The following PHF20 variants were observed in gnomAD, a reference collection of about 807,000 sequenced individuals.
PHF20 encodes the protein glioma-expressed antigen 2.
A neutral mutation model predicts 113.5 loss-of-function variants in PHF20; 23 were observed. The observed-to-expected ratio is 0.20, with a 90% CI of 0.15 to 0.29. The LOEUF (loss-of-function observed/expected upper bound fraction) is 0.29. Ranked by LOEUF, PHF20 falls within the 10% of genes least tolerant of loss-of-function variation. PHF20 has a pLI of 1.00. For synonymous variants in PHF20, 434 were observed against 457.3 expected (o/e 0.95, Z 0.65); for missense variants, 943 against 1,219.6 (o/e 0.77, Z 3.38).
At chr20:35,947,420 G>C in intron 17 of PHF20, 65 bp from the exon 18 acceptor site, 2 of 1,545,884 alleles carry the variant, frequency 1.3e-6, no homozygotes, top group Non-Finnish European at 1.8e-6. Context: ...TGAAATGCTT[G>C]CTGATGTTCT....
chr20:35,843,619 G>T (rs2042570957), intron 3 of PHF20, among the ~76,000 whole-genome samples: 1 of 150,978 alleles, frequency 6.6e-6, no homozygotes, highest in African/African-American at 2.4e-5. Flanking sequence ...GTCTTGCTCT[G>T]TTGCCCAGAC....
At chr20:35,826,368 C>T (rs762997941) in intron 2 of PHF20, among the ~76,000 whole-genome samples, 10 of 152,104 alleles carry the variant, frequency 6.6e-5, no homozygotes, top group Non-Finnish European at 1.0e-4. Flanking sequence ...AAGTGAGACC[C>T]ATCAGCATGT....
At chr20:35,848,562 G>C (rs1021495878) in intron 4 of PHF20, among the ~76,000 whole-genome samples, 1 of 152,050 alleles carries the variant, frequency 6.6e-6, no homozygotes, top group African/African-American at 2.4e-5. Context: ...CAACTTTTTA[G>C]AAAAGTATTT....
chr20:35,847,229 G>C (rs1209993723), intron 3 of PHF20, 121 bp from the exon 4 acceptor site: 2 of 622,682 alleles, frequency 3.2e-6, no homozygotes, highest in Non-Finnish European at 5.5e-6. Context: ...CATCTCAACA[G>C]CTACTTTCCC....
intron 6 of PHF20, among the ~76,000 whole-genome samples, chr20:35,863,815 G>C (rs902707362): frequency 6.6e-6 from 1 of 152,178 alleles, no homozygotes; most frequent in Non-Finnish European, 1.5e-5. Context: ...TTCTGAAGGA[G>C]ATGGGGACAA....
At chr20:35,923,342 C>G (rs141951177) in intron 13 of PHF20, among the ~76,000 whole-genome samples, 1 of 151,760 alleles carries the variant, frequency 6.6e-6, no homozygotes, top group South Asian at 2.1e-4. Context: ...GGCTCACACC[C>G]GTAATCCTAG....
chr20:35,932,048 G>T (rs1367630851), intron 15 of PHF20, among the ~76,000 whole-genome samples: 1 of 149,800 alleles, frequency 6.7e-6, no homozygotes, highest in Non-Finnish European at 1.5e-5. Context: ...TTTGTTTTTT[G>T]TTTTGGCATA....
intron 16 of PHF20, 48 bp downstream of exon 16, chr20:35,939,156 G>C: frequency 6.7e-7 from 1 of 1,487,040 alleles, no homozygotes; most frequent in Non-Finnish European, 9.1e-7. Context: ...GTGAATGCTT[G>C]CAAGTTATCC....
At chr20:35,852,473 G>C (rs1473667773) in intron 4 of PHF20, among the ~76,000 whole-genome samples, 1 of 152,078 alleles carries the variant, frequency 6.6e-6, no homozygotes, top group Non-Finnish European at 1.5e-5. Context: ...TGTTGTATTG[G>C]CCACAGAACC....
At chr20:35,779,060 G>A (rs1202774492) in intron 1 of PHF20, among the ~76,000 whole-genome samples, 1 of 151,526 alleles carries the variant, frequency 6.6e-6, no homozygotes, top group Non-Finnish European at 1.5e-5. Context: ...TTTTGAGGTG[G>A]AGTCTCACTT....
chr20:35,929,262 G>T (rs1045311464), intron 14 of PHF20, among the ~76,000 whole-genome samples: 1 of 152,258 alleles, frequency 6.6e-6, no homozygotes, highest in Admixed American at 6.5e-5. Context: ...TTTGTTGGTT[G>T]TCTAGGGAGG....
At chr20:35,842,468 G>C in intron 2 of PHF20, 105 bp from the exon 3 acceptor site, 1 of 1,010,480 alleles carries the variant, frequency 9.9e-7, no homozygotes, top group South Asian at 1.6e-5. Context: ...CGGTAGGCCT[G>C]GTAACCTTCT....
intron 13 of PHF20, among the ~76,000 whole-genome samples, chr20:35,923,917 A>G (rs1303109065): frequency 6.6e-6 from 1 of 151,764 alleles, no homozygotes; most frequent in Non-Finnish European, 1.5e-5. Context: ...ACACCTTGCT[A>G]ATTTCTTTAA....
intron 9 of PHF20, chr20:35,887,571 T>C (rs1205410561): frequency 6.6e-6 from 1 of 152,302 alleles, no homozygotes; most frequent in East Asian, 1.9e-4. Context: ...GAGTGTTTCC[T>C]AGTAAGACAG....
chr20:35,884,815 A>AT (rs2054697052), intron 9 of PHF20, among the ~76,000 whole-genome samples: 2 of 152,200 alleles, frequency 1.3e-5, no homozygotes, highest in South Asian at 2.1e-4. Context: ...TAGCTTTATT[A>AT]TTCTCTCCCA....
rs1239968619 is a variant in PHF20, at chr20:35,849,502, A to T, written c.340+2068A>T. ...AATCATGGTAGGCACCTGTCTCTATAAGGTTTTGTGTTTGTGTGTGGGATG... is the reference window on the plus strand; with the variant it reads ...AATCATGGTAGGCACCTGTCTCTATTAGGTTTTGTGTTTGTGTGTGGGATG... On this transcript the variant is annotated intron_variant, in intron 4 of 17. Coordinates refer to ENST00000374012, the MANE Select transcript of PHF20 (RefSeq NM_016436.5). 4 of 469,404 alleles carry T rather than the reference A, an allele frequency of 8.5e-6. No homozygotes were observed. The East Asian group carries it at 2.8e-4, about 33-fold the overall frequency. 29.1% of individuals were successfully genotyped at this position (469,404 alleles called of 1,614,324 possible).
rs6058367 is a variant in PHF20, at chr20:35,924,846, C to T, written c.2005-2934C>T. ...CAACTCCTGACTTCAGGATATCCTC[C>T]CGCCTCGGCCTCCCAAAGTGCGGGG... On this transcript the variant is annotated intron_variant, in intron 13 of 17. Coordinates refer to ENST00000374012, the MANE Select transcript of PHF20 (RefSeq NM_016436.5). 1.7e-3 allele frequency among the ~76,000 whole-genome samples: 265 copies of T among 152,232 alleles called. 3 individuals carry two copies. The highest frequency in any genetic ancestry group is 6.0e-3 in the African/African-American group (251 of 41,524).
intron 16 of PHF20, among the ~76,000 whole-genome samples, chr20:35,939,700 A>C (rs2147129019): frequency 6.6e-6 from 1 of 152,182 alleles, no homozygotes; most frequent in Middle Eastern, 3.4e-3. Flanking sequence ...TTCATCTCTA[A>C]CTGCTCACTA....
chr20:35,937,238 G>A (rs2055881902), intron 15 of PHF20, among the ~76,000 whole-genome samples: 1 of 152,158 alleles, frequency 6.6e-6, no homozygotes, highest in African/African-American at 2.4e-5. Flanking sequence ...GGAGGTCGAG[G>A]TGGGCGGATC....
Sources: gnomAD v4.1 joint callset for allele counts (sites outside exome capture counted in the v4.1 genomes callset) on GRCh38, gnomAD v4.1.1 for gene constraint, MANE v1.5 for transcripts, NCBI Gene and HGNC (gene_info 2026-07-23, HGNC 2026-07-21) for gene names.